Variants in RNGTT observed in about 807,000 individuals in gnomAD.
The protein encoded by RNGTT is RNA guanylyltransferase and 5'-phosphatase, also known as mRNA-capping enzyme.
A neutral mutation model predicts 79.3 loss-of-function variants in RNGTT; 33 were observed. The observed-to-expected ratio is 0.42, with a 90% CI of 0.32 to 0.56. The LOEUF is 0.56. RNGTT is among the 20% of genes least tolerant of loss of function. RNGTT has a pLI of 0.17. For missense variants in RNGTT, 497 were observed against 739.1 expected (o/e 0.67, Z 3.80); for synonymous variants, 222 against 235.9 (o/e 0.94, Z 0.54).
intron 11 of RNGTT, among the ~76,000 whole-genome samples, chr6:88,830,789 A>G (rs548920657): frequency 2.0e-5 from 3 of 152,366 alleles, no homozygotes; most frequent in African/African-American, 7.2e-5. Context: ...ACAAACTACC[A>G]TCAGAGAATA....
chr6:88,711,965 G>A (rs184170925), intron 13 of RNGTT, among the ~76,000 whole-genome samples: 1 of 152,068 alleles, frequency 6.6e-6, no homozygotes, highest in East Asian at 1.9e-4. Context: ...AATCTAACTA[G>A]GTGAAGTACA....
chr6:88,820,803 AAAG>A (rs1441704790), intron 11 of RNGTT, among the ~76,000 whole-genome samples: 7 of 152,314 alleles, frequency 4.6e-5, no homozygotes, highest in East Asian at 3.9e-4. Flanking sequence ...GAAAGAAACC[AAAG>A]AAGAACTAAA....
rs540654161 is a variant in RNGTT, at chr6:88,697,412, G to A, written c.1440-18993C>T. Among the ~76,000 whole-genome samples the A allele has an allele frequency of 9.4e-4, 143 of 152,084 alleles. 1 individual carries two copies. The highest frequency in any genetic ancestry group is 3.3e-3 in the African/African-American group (137 of 41,476). ...TAAAAATAAAAAAAATTAGCCAGGC[G>A]TGGTGGCGGGCACCTATAGTCCCAG... On this transcript the variant is annotated intron_variant, in intron 13 of 15. Coordinates refer to ENST00000369485, the MANE Select transcript of RNGTT (RefSeq NM_003800.5).
intron 12 of RNGTT, among the ~76,000 whole-genome samples, chr6:88,799,281 G>C (rs1424483938): frequency 6.6e-6 from 1 of 152,122 alleles, no homozygotes; most frequent in Non-Finnish European, 1.5e-5. Flanking sequence ...TTTCTGGGTA[G>C]CATGACAAAT....
chr6:88,861,476 C>T (rs886229663), intron 8 of RNGTT, among the ~76,000 whole-genome samples: 2 of 152,178 alleles, frequency 1.3e-5, no homozygotes, highest in African/African-American at 2.4e-5. Flanking sequence ...CCTCTGATAA[C>T]CTCTTTTGCA....
chr6:88,798,518 C>T (rs1352936166), intron 12 of RNGTT, among the ~76,000 whole-genome samples: 2 of 151,148 alleles, frequency 1.3e-5, no homozygotes, highest in African/African-American at 4.9e-5. Flanking sequence ...GGCAGAAATC[C>T]TCAAGAAGCA....
chr6:88,779,145 C>CA (rs1009339176), intron 12 of RNGTT, among the ~76,000 whole-genome samples: 1 of 151,804 alleles, frequency 6.6e-6, no homozygotes, highest in East Asian at 1.9e-4. Flanking sequence ...AGTAAAGGGT[C>CA]AAAAAAAGTA....
At chr6:88,801,797 C>T (rs560707415) in intron 11 of RNGTT, among the ~76,000 whole-genome samples, 165 bp from the exon 12 acceptor site, 4 of 140,708 alleles carry the variant, frequency 2.8e-5, no homozygotes, top group African/African-American at 8.0e-5. Flanking sequence ...GTTAATACAT[C>T]GTAAGATTTG....
intron 8 of RNGTT, among the ~76,000 whole-genome samples, chr6:88,856,807 CT>C (rs1406054312): frequency 6.6e-6 from 1 of 152,124 alleles, no homozygotes; most frequent in Non-Finnish European, 1.5e-5. Context: ...TCCAAAGTCC[CT>C]GAAAGCAGCC....
intron 11 of RNGTT, among the ~76,000 whole-genome samples, chr6:88,803,576 C>CAAAAAAA (rs146140117): frequency 5.3e-5 from 3 of 56,138 alleles, no homozygotes; most frequent in African/African-American, 7.4e-5. Context: ...GACTCCATCT[C>CAAAAAAA]AAAAAAAAAA....
intron 11 of RNGTT, among the ~76,000 whole-genome samples, chr6:88,806,962 C>A (rs1779977255): frequency 6.6e-6 from 1 of 152,116 alleles, no homozygotes; most frequent in African/African-American, 2.4e-5. Context: ...GAGCTGGAAG[C>A]CATTATCCTC....
chr6:88,931,933 G>A (rs1463851080), intron 2 of RNGTT, among the ~76,000 whole-genome samples: 2 of 152,068 alleles, frequency 1.3e-5, no homozygotes, highest in African/African-American at 2.4e-5. Flanking sequence ...TGTTTGAACA[G>A]CGTGAGATCT....
Position 88,692,078 on chromosome 6 carries a change from A to G in RNGTT, c.1440-13659T>C, listed in dbSNP as rs117309401. Among the ~76,000 whole-genome samples, 749 of 152,334 alleles carry G rather than the reference A, an allele frequency of 4.9e-3. 3 individuals carry two copies. Among genetic ancestry groups the G allele is most frequent in the Non-Finnish European group, 8.9e-3 (606 of 68,012 alleles). ...TAAAATGTACAGACTCAGCCAAGAT[A>G]GAGTTACAAGACCACAAACACAACA... On this transcript the variant is annotated intron_variant, in intron 13 of 15. Coordinates refer to ENST00000369485, the MANE Select transcript of RNGTT (RefSeq NM_003800.5).
intron 13 of RNGTT, among the ~76,000 whole-genome samples, chr6:88,749,282 T>C (rs191203227): frequency 6.6e-6 from 1 of 152,086 alleles, no homozygotes; most frequent in Non-Finnish European, 1.5e-5. Context: ...TGACTGTATG[T>C]AACAAAAATA....
chr6:88,817,852 C>G (rs1390944371), intron 11 of RNGTT, among the ~76,000 whole-genome samples: 1 of 150,142 alleles, frequency 6.7e-6, no homozygotes, highest in Admixed American at 6.6e-5. Context: ...CTCCGCCTCC[C>G]GGGTTCATGC....
chr6:88,776,620 CCA>C (rs1164933512), intron 12 of RNGTT, among the ~76,000 whole-genome samples: 1 of 151,004 alleles, frequency 6.6e-6, no homozygotes, highest in East Asian at 1.9e-4. Context: ...CAGGCATGAG[CCA>C]CCATGCCCAG....
chr6:88,806,891 A>T (rs1471367019), intron 11 of RNGTT, among the ~76,000 whole-genome samples: 1 of 152,240 alleles, frequency 6.6e-6, no homozygotes, highest in Non-Finnish European at 1.5e-5. Flanking sequence ...ATACATATAC[A>T]CAATGGAATA....
At chr6:88,843,799 G>A (rs1420373260) in intron 11 of RNGTT, among the ~76,000 whole-genome samples, 1 of 150,994 alleles carries the variant, frequency 6.6e-6, no homozygotes, top group Non-Finnish European at 1.5e-5. Flanking sequence ...CTTGTGATCT[G>A]CCCGCCTTGG....
At chr6:88,646,526 A>G (rs1000840292) in intron 14 of RNGTT, among the ~76,000 whole-genome samples, 3 of 152,252 alleles carry the variant, frequency 2.0e-5, no homozygotes, top group East Asian at 1.9e-4. Flanking sequence ...TCATGCTGCT[A>G]TAAAGACACA....
Sources: allele counts gnomAD v4.1 joint callset (sites outside exome capture counted in the v4.1 genomes callset), GRCh38; gene constraint gnomAD v4.1.1; transcripts MANE v1.5; gene names NCBI Gene and HGNC (gene_info 2026-07-23, HGNC 2026-07-21).